Variants in RGS6 observed in about 807,000 individuals in gnomAD.
The protein encoded by RGS6 is regulator of G protein signaling 6, also known as regulator of G-protein signaling 6.
RGS6 carries 30 observed loss-of-function variants against 78.5 expected under a neutral mutation model. The observed-to-expected ratio is 0.38, with a 90% CI of 0.29 to 0.52. RGS6 has a LOEUF of 0.52. Among genes scored for constraint, RGS6 ranks in the 20% least tolerant of loss-of-function variants. The probability of loss-of-function intolerance (pLI) is 0.85; values close to 1 mark genes in which losing one functional copy is unlikely to be tolerated. For synonymous variants in RGS6, 206 were observed against 206.0 expected (o/e 1.00, Z 0.00); for missense variants, 495 against 609.7 (o/e 0.81, Z 1.98).
At chr14:72,619,463 A>ACT in the RGS6 span, 1 of 1,384,340 alleles carries the variant, frequency 7.2e-7, no homozygotes, top group Non-Finnish European at 9.8e-7. Flanking sequence ...GTTTCCTTTG[A>ACT]ACTTTGGCAA....
rs115148973 is a variant in RGS6, at chr14:72,529,654, C to G, written c.1279-6532C>G. Among the ~76,000 whole-genome samples, 656 of 152,230 alleles carry G rather than the reference C, an allele frequency of 4.3e-3. 6 individuals are homozygous for G. The highest frequency in any genetic ancestry group is 0.015 in the African/African-American group (611 of 41,508). On this transcript the variant is annotated intron_variant, in intron 15 of 17. Coordinates refer to ENST00000553525, the MANE Select transcript of RGS6 (RefSeq NM_001204424.2). ...TGTGAAGCTGCAAGACCAGACCCCC[C>G]CCTCCCTGCAATCCCACAGAATTAG...
chr14:72,388,222 A>G (rs778043756), intron 3 of RGS6, among the ~76,000 whole-genome samples: 31 of 152,164 alleles, frequency 2.0e-4, no homozygotes, highest in Non-Finnish European at 4.0e-4. Flanking sequence ...TTTAAAGTAT[A>G]CATATGGGAA....
chr14:72,208,573 G>T (rs2043239621), intron 2 of RGS6, among the ~76,000 whole-genome samples: 1 of 152,164 alleles, frequency 6.6e-6, no homozygotes, highest in Admixed American at 6.5e-5. Flanking sequence ...GTGAGGACAG[G>T]CCTGGGTCCT....
chr14:71,872,207 T>C, the RGS6 span, among the ~76,000 whole-genome samples: 2 of 152,112 alleles, frequency 1.3e-5, no homozygotes, highest in African/African-American at 4.8e-5. Flanking sequence ...AGCTGAAAAA[T>C]GAGCAGTTTT....
chr14:72,449,691 G>A (rs1388363760), intron 3 of RGS6, among the ~76,000 whole-genome samples: 2 of 152,196 alleles, frequency 1.3e-5, no homozygotes, highest in Admixed American at 6.5e-5. Flanking sequence ...GTGCAGGTTG[G>A]CACCCTTAGG....
At chr14:71,987,540 T>C (rs921977455) in intron 2 of RGS6, among the ~76,000 whole-genome samples, 5 of 152,204 alleles carry the variant, frequency 3.3e-5, no homozygotes, top group African/African-American at 1.2e-4. Flanking sequence ...ATTTTTTATT[T>C]TTTCAGAGAG....
intron 2 of RGS6, among the ~76,000 whole-genome samples, chr14:72,320,838 TA>T (rs2071760530): frequency 6.6e-6 from 1 of 150,632 alleles, no homozygotes; most frequent in Non-Finnish European, 1.5e-5. Flanking sequence ...TTAAACATGA[TA>T]AATCAAGTAT....
In RGS6 at chr14:72,149,157, T is replaced by A. The variant is rs373506621; in HGVS notation, c.84+184282T>A. Among the ~76,000 whole-genome samples, 13 of 152,312 alleles carry A rather than the reference T, an allele frequency of 8.5e-5. No homozygotes were observed. The East Asian group carries it at 2.3e-3, about 27-fold the overall frequency. On this transcript the variant is annotated intron_variant, in intron 2 of 17. Coordinates refer to ENST00000553525, the MANE Select transcript of RGS6 (RefSeq NM_001204424.2). Reference sequence around the variant, plus strand: ...GGAGCACCTACTCGTGTCCTTTACATGTGGCTGCTTAGCTTCTTCAGAGCT... The same window carrying A: ...GGAGCACCTACTCGTGTCCTTTACAAGTGGCTGCTTAGCTTCTTCAGAGCT...
chr14:72,404,670 A>T (rs1364375689), intron 3 of RGS6, among the ~76,000 whole-genome samples: 1 of 152,222 alleles, frequency 6.6e-6, no homozygotes, highest in Non-Finnish European at 1.5e-5. Context: ...TAGGTATTGG[A>T]ATTTTCCAAT....
intron 2 of RGS6, among the ~76,000 whole-genome samples, chr14:72,291,772 A>C (rs57843943): frequency 6.6e-6 from 1 of 152,168 alleles, no homozygotes; most frequent in East Asian, 1.9e-4. Context: ...GCAAATTTTT[A>C]AAAAAAGAAA....
At chr14:72,336,591 A>G (rs1948031588) in intron 2 of RGS6, among the ~76,000 whole-genome samples, 1 of 152,124 alleles carries the variant, frequency 6.6e-6, no homozygotes, top group Non-Finnish European at 1.5e-5. Flanking sequence ...GAAAGGGAAG[A>G]TGAGAGAAAA....
chr14:72,304,086 C>G (rs1449815146), intron 2 of RGS6, among the ~76,000 whole-genome samples: 2 of 152,222 alleles, frequency 1.3e-5, no homozygotes, highest in East Asian at 3.8e-4. Context: ...CCTGTAGGAA[C>G]CTGAGGACAC....
At chr14:71,987,089 G>A (rs1243245064) in intron 2 of RGS6, among the ~76,000 whole-genome samples, 2 of 152,198 alleles carry the variant, frequency 1.3e-5, no homozygotes, top group African/African-American at 2.4e-5. Context: ...TGGGATTAGG[G>A]TGTGGACATC....
intron 2 of RGS6, among the ~76,000 whole-genome samples, chr14:72,062,391 G>A (rs2093937928): frequency 6.6e-6 from 1 of 152,162 alleles, no homozygotes; most frequent in Non-Finnish European, 1.5e-5. Context: ...CTGATGAAAA[G>A]GCACTGGGAT....
At chr14:72,242,839 C>CTTTTTTTTTTTTT (rs35675211) in intron 2 of RGS6, among the ~76,000 whole-genome samples, 3 of 69,134 alleles carry the variant, frequency 4.3e-5, no homozygotes, top group Non-Finnish European at 5.0e-5. Flanking sequence ...CATTTCTTTT[C>CTTTTTTTTTTTTT]TTTTTTTTTT....
chr14:72,489,395 G>T (rs1452264238), intron 12 of RGS6, among the ~76,000 whole-genome samples: 1 of 152,164 alleles, frequency 6.6e-6, no homozygotes, highest in Admixed American at 6.5e-5. Flanking sequence ...CATCCAGCTT[G>T]CTCTCTCACA....
chr14:72,372,496 T>G (rs1373145779), intron 3 of RGS6, among the ~76,000 whole-genome samples: 1 of 152,202 alleles, frequency 6.6e-6, no homozygotes. Flanking sequence ...TTTATAAGAA[T>G]TAATGGCAGA....
chr14:72,347,107 A>G (rs1405154627), intron 2 of RGS6, among the ~76,000 whole-genome samples: 1 of 152,168 alleles, frequency 6.6e-6, no homozygotes, highest in Non-Finnish European at 1.5e-5. Flanking sequence ...CTGCTTATTG[A>G]TTGGCACAGT....
chr14:71,961,692 T>C (rs950343362), intron 1 of RGS6, among the ~76,000 whole-genome samples: 2 of 152,182 alleles, frequency 1.3e-5, no homozygotes, highest in Non-Finnish European at 2.9e-5. Context: ...TGAGTCCATA[T>C]AGGAAAATAA....
Sources: gnomAD v4.1 joint callset for allele counts (sites outside exome capture counted in the v4.1 genomes callset) on GRCh38, gnomAD v4.1.1 for gene constraint, MANE v1.5 for transcripts, NCBI Gene and HGNC (gene_info 2026-07-23, HGNC 2026-07-21) for gene names.